DPYSL5: variants seen among roughly 807,000 people sequenced by gnomAD.
The protein encoded by DPYSL5 is dihydropyrimidinase like 5.
DPYSL5 carries 9 observed loss-of-function variants against 58.4 expected under a neutral mutation model. The ratio of observed to expected loss-of-function variants is 0.15; its 90% CI spans 0.09 to 0.27. The LOEUF (loss-of-function observed/expected upper bound fraction) is 0.27. Ranked by LOEUF, DPYSL5 falls within the 10% of genes least tolerant of loss-of-function variation. The pLI is 1.00. For missense variants in DPYSL5, 499 were observed against 770.6 expected (o/e 0.65, Z 4.17); for synonymous variants, 293 against 301.9 (o/e 0.97, Z 0.31).
chr2:26,893,517 TG>T (rs1378238184), intron 1 of DPYSL5, among the ~76,000 whole-genome samples: 1 of 152,228 alleles, frequency 6.6e-6, no homozygotes, highest in African/African-American at 2.4e-5. Flanking sequence ...AGCCTTATCC[TG>T]GACATAGAGT....
chr2:26,922,607 G>A (rs1664731324), intron 2 of DPYSL5, among the ~76,000 whole-genome samples: 1 of 152,172 alleles, frequency 6.6e-6, no homozygotes. Flanking sequence ...CAAGCCTGCA[G>A]AGGTACTGTG....
chr2:26,923,572 C>T (rs535080525), intron 2 of DPYSL5, among the ~76,000 whole-genome samples: 37 of 152,306 alleles, frequency 2.4e-4, no homozygotes, highest in African/African-American at 8.9e-4. Flanking sequence ...ACTGTAAGGA[C>T]TCAAACCATT....
At chr2:26,917,061 T>C (rs1380257176) in intron 2 of DPYSL5, among the ~76,000 whole-genome samples, 1 of 152,184 alleles carries the variant, frequency 6.6e-6, no homozygotes, top group Non-Finnish European at 1.5e-5. Flanking sequence ...AGTAACTCCA[T>C]GAGGGAGGTA....
At chr2:26,863,501 G>C (rs1409367892) in intron 1 of DPYSL5, among the ~76,000 whole-genome samples, 1 of 152,200 alleles carries the variant, frequency 6.6e-6, no homozygotes, top group African/African-American at 2.4e-5. Context: ...GCAGCACCCT[G>C]GTACAAGTTG....
At chr2:26,863,177 C>A (rs1286015983) in intron 1 of DPYSL5, among the ~76,000 whole-genome samples, 1 of 152,172 alleles carries the variant, frequency 6.6e-6, no homozygotes, top group Non-Finnish European at 1.5e-5. Flanking sequence ...CTGAGCCAAC[C>A]ACTTGCATTG....
chr2:26,895,698 C>T (rs1663994923), intron 1 of DPYSL5, among the ~76,000 whole-genome samples: 1 of 151,820 alleles, frequency 6.6e-6, no homozygotes, highest in African/African-American at 2.4e-5. Flanking sequence ...TATCTTTTCA[C>T]CAACATTTCC....
intron 1 of DPYSL5, among the ~76,000 whole-genome samples, chr2:26,880,038 G>A (rs534002455): frequency 2.5e-4 from 38 of 151,950 alleles, no homozygotes; most frequent in African/African-American, 8.0e-4. Context: ...CTACAGGCAC[G>A]CACCACCACA....
chr2:26,887,220 A>T (rs1240564042), intron 1 of DPYSL5, among the ~76,000 whole-genome samples: 1 of 152,216 alleles, frequency 6.6e-6, no homozygotes, highest in Non-Finnish European at 1.5e-5. Context: ...GTGAGTCTTA[A>T]ACTAATGCTT....
intron 1 of DPYSL5, among the ~76,000 whole-genome samples, chr2:26,879,483 C>G (rs1294388058): frequency 7.0e-6 from 1 of 143,576 alleles, no homozygotes; most frequent in Non-Finnish European, 1.5e-5. Flanking sequence ...AAAAAAAAAG[C>G]CCATTAGCAT....
chr2:26,853,709 AT>A (rs926616906), intron 1 of DPYSL5, among the ~76,000 whole-genome samples: 2 of 152,160 alleles, frequency 1.3e-5, no homozygotes, highest in Admixed American at 1.3e-4. Flanking sequence ...GCAGGAGCTC[AT>A]GGTGCACTCT....
chr2:26,887,260 C>A (rs1663742226), intron 1 of DPYSL5, among the ~76,000 whole-genome samples: 1 of 152,224 alleles, frequency 6.6e-6, no homozygotes, highest in African/African-American at 2.4e-5. Context: ...TGTCTGAAAC[C>A]AATACCTTCC....
intron 1 of DPYSL5, among the ~76,000 whole-genome samples, chr2:26,858,964 G>A (rs1039514984): frequency 6.6e-6 from 1 of 152,092 alleles, no homozygotes; most frequent in Admixed American, 6.5e-5. Flanking sequence ...CCTAGCTAAT[G>A]TAATTTTGGC....
At chr2:26,915,578 C>G (rs1334432269) in intron 2 of DPYSL5, among the ~76,000 whole-genome samples, 2 of 152,166 alleles carry the variant, frequency 1.3e-5, no homozygotes, top group Non-Finnish European at 2.9e-5. Context: ...TTCTGTGCCC[C>G]AGCTCCTGGT....
intron 3 of DPYSL5, among the ~76,000 whole-genome samples, chr2:26,926,752 A>G (rs1016739382): frequency 2.0e-5 from 3 of 152,202 alleles, no homozygotes; most frequent in East Asian, 1.9e-4. Context: ...TATCAGGCCA[A>G]TGTTGCTTCC....
Position 26,925,226 on chromosome 2 carries a change from C to G in DPYSL5, c.420+181C>G, listed in dbSNP as rs769468753. Among the ~76,000 whole-genome samples the G allele has an allele frequency of 1.3e-5, 2 of 152,172 alleles. No homozygotes were observed. The highest frequency in any genetic ancestry group is 2.9e-5 in the Non-Finnish European group (2 of 68,036). ...AAGGGGAGCGGATGGGCTTGTGCTG[C>G]TTAACTTAATGAGCCATTTTCCGGC... On this transcript the variant is annotated intron_variant, in intron 3 of 12. Transcript: ENST00000288699. The surrounding 1 kb of genome is among the most constrained non-coding windows in gnomAD (Gnocchi z 4.5).
chr2:26,875,381 C>G (rs186261798), intron 1 of DPYSL5, among the ~76,000 whole-genome samples: 1 of 152,346 alleles, frequency 6.6e-6, no homozygotes, highest in East Asian at 1.9e-4. Context: ...TGTGGGGAAG[C>G]AAGCAGCTGG....
intron 12 of DPYSL5, among the ~76,000 whole-genome samples, chr2:26,946,316 C>G (rs556075159): frequency 6.6e-6 from 1 of 152,324 alleles, no homozygotes; most frequent in African/African-American, 2.4e-5. Context: ...TACCCCAAAT[C>G]TTGTCTGTTC....
At chr2:26,932,185 AAG>A (rs1438010833) in intron 6 of DPYSL5, among the ~76,000 whole-genome samples, 1 of 70,300 alleles carries the variant, frequency 1.4e-5, no homozygotes, top group East Asian at 4.2e-4. Context: ...GAAAGAAAGA[AAG>A]AAAGAAAGAA....
At chr2:26,886,534 T>C (rs1188941880) in intron 1 of DPYSL5, among the ~76,000 whole-genome samples, 1 of 152,266 alleles carries the variant, frequency 6.6e-6, no homozygotes, top group Non-Finnish European at 1.5e-5. Context: ...CTAATAAATA[T>C]TATTTTAAAT....
Sources: gnomAD v4.1 joint callset for allele counts (sites outside exome capture counted in the v4.1 genomes callset) on GRCh38, gnomAD v4.1.1 for gene constraint, Gnocchi (gnomAD v3.1) non-coding constraint, MANE v1.5 for transcripts, NCBI Gene and HGNC (gene_info 2026-07-23, HGNC 2026-07-21) for gene names.